RELN: variants seen among roughly 807,000 people sequenced by gnomAD.
RELN encodes the protein reelin.
Under a neutral mutation model 427.6 loss-of-function variants are expected in RELN, and 108 were observed. The ratio of observed to expected loss-of-function variants is 0.25; its 90% CI spans 0.22 to 0.30. The LOEUF (loss-of-function observed/expected upper bound fraction) is 0.30. Among genes scored for constraint, RELN ranks in the 10% least tolerant of loss-of-function variants. The pLI, the probability that RELN is intolerant of heterozygous loss-of-function variation, is 1.00. For missense variants in RELN, 3,715 were observed against 4,302.8 expected (o/e 0.86, Z 3.82); for synonymous variants, 1,524 against 1,513.4 (o/e 1.01, Z -0.16).
At chr7:103,819,606 G>A (rs1159476603) in intron 3 of RELN, among the ~76,000 whole-genome samples, 2 of 152,064 alleles carry the variant, frequency 1.3e-5, no homozygotes, top group African/African-American at 4.8e-5. Flanking sequence ...CTCCAAATGA[G>A]CCATTTAGAA....
chr7:103,745,769 A>T lies in RELN; in HGVS notation c.656+3657T>A, dbSNP rs1001373989. ...CCACTGCTCAAGGAAATAAAAGAGG[A>T]TACAAACAAATGGAAGAACATTCCA... On this transcript the variant is annotated intron_variant, in intron 6 of 64. Coordinates refer to ENST00000428762, the MANE Select transcript of RELN (RefSeq NM_005045.4). 8.6e-4 allele frequency among the ~76,000 whole-genome samples: 130 copies of T among 151,758 alleles called. 1 individual carries two copies. Among genetic ancestry groups the T allele is most frequent in the African/African-American group, 3.0e-3 (123 of 41,188 alleles).
At chr7:103,904,664 A>T (rs1194723090) in intron 2 of RELN, among the ~76,000 whole-genome samples, 1 of 152,176 alleles carries the variant, frequency 6.6e-6, no homozygotes, top group East Asian at 1.9e-4. Flanking sequence ...TGTTTGCCTA[A>T]AGGAAAGAAA....
intron 10 of RELN, among the ~76,000 whole-genome samples, chr7:103,690,729 G>T (rs936800163): frequency 6.6e-6 from 1 of 152,090 alleles, no homozygotes; most frequent in Non-Finnish European, 1.5e-5. Flanking sequence ...GAATGAGGGT[G>T]GGGCTCTGGG....
intron 64 of RELN, 110 bp from the exon 65 acceptor site, chr7:103,473,018 T>C: frequency 1.0e-6 from 1 of 976,230 alleles, no homozygotes; most frequent in Non-Finnish European, 1.7e-6. Flanking sequence ...TGATATTTGT[T>C]TGAAAATTTT....
intron 29 of RELN, 93 bp from the exon 30 acceptor site, chr7:103,574,392 G>A: frequency 9.5e-7 from 1 of 1,056,514 alleles, no homozygotes; most frequent in East Asian, 2.5e-5. Flanking sequence ...AATGTCCATA[G>A]GGATTAACAT....
At chr7:103,545,103 G>T (rs1456440839) in intron 42 of RELN, 21 bp downstream of exon 42, 1 of 1,591,580 alleles carries the variant, frequency 6.3e-7, no homozygotes, top group South Asian at 1.1e-5. Flanking sequence ...AGACTACATA[G>T]AATTTGTAAG....
chr7:103,582,539 T>C (rs766569979), intron 28 of RELN, among the ~76,000 whole-genome samples: 1 of 152,242 alleles, frequency 6.6e-6, no homozygotes, highest in African/African-American at 2.4e-5. Context: ...TTAAAGATTA[T>C]GTTTCAAAGT....
chr7:103,876,789 A>T (rs180805105), intron 2 of RELN, among the ~76,000 whole-genome samples: 2,487 of 147,374 alleles, frequency 0.017, 38 homozygotes, highest in Non-Finnish European at 0.023. Context: ...TCTTTTTTTT[A>T]AAAAAAAGAA....
intron 57 of RELN, among the ~76,000 whole-genome samples, chr7:103,493,045 T>C (rs1345538314): frequency 1.3e-5 from 2 of 152,146 alleles, no homozygotes; most frequent in African/African-American, 2.4e-5. Flanking sequence ...CTTAATTTGG[T>C]AAGTGATGGA....
At chr7:103,854,812 A>C (rs1793905285) in intron 2 of RELN, among the ~76,000 whole-genome samples, 1 of 152,216 alleles carries the variant, frequency 6.6e-6, no homozygotes, top group African/African-American at 2.4e-5. Context: ...GTGGAATTGT[A>C]ATCTAGCCTG....
intron 2 of RELN, among the ~76,000 whole-genome samples, chr7:103,874,117 C>G (rs1794418765): frequency 1.4e-5 from 2 of 143,404 alleles, no homozygotes; most frequent in African/African-American, 5.0e-5. Flanking sequence ...ACATGATTAT[C>G]TCAATAGATG....
chr7:103,838,035 G>A (rs1353875340), intron 2 of RELN, among the ~76,000 whole-genome samples: 1 of 151,526 alleles, frequency 6.6e-6, no homozygotes, highest in Non-Finnish European at 1.5e-5. Context: ...GCGAAACACC[G>A]TCTCTACTAA....
intron 1 of RELN, among the ~76,000 whole-genome samples, chr7:103,939,297 T>C (rs952493928): frequency 1.3e-5 from 2 of 152,080 alleles, no homozygotes; most frequent in African/African-American, 4.8e-5. Flanking sequence ...AGAAAATAAG[T>C]AAGGTATAAT....
intron 64 of RELN, among the ~76,000 whole-genome samples, chr7:103,477,941 T>G (rs900154845): frequency 6.6e-6 from 1 of 152,210 alleles, no homozygotes; most frequent in Non-Finnish European, 1.5e-5. Flanking sequence ...GGGACCCTCA[T>G]GCATCTTCAG....
chr7:103,502,306 C>A (rs1014978654), intron 52 of RELN, among the ~76,000 whole-genome samples: 4 of 152,106 alleles, frequency 2.6e-5, no homozygotes, highest in African/African-American at 4.8e-5. Flanking sequence ...GGGAACTGTG[C>A]GTAAGCACTT....
chr7:103,562,220 A>C (rs556190731), intron 34 of RELN, among the ~76,000 whole-genome samples: 1 of 152,322 alleles, frequency 6.6e-6, no homozygotes, highest in African/African-American at 2.4e-5. Flanking sequence ...TGTGAAATGG[A>C]AAAGTTATTT....
intron 1 of RELN, among the ~76,000 whole-genome samples, chr7:103,975,446 C>T (rs1051895838): frequency 3.9e-5 from 6 of 152,136 alleles, no homozygotes; most frequent in South Asian, 2.1e-4. Context: ...AAAATACAGA[C>T]AGGACGATAA....
intron 1 of RELN, among the ~76,000 whole-genome samples, chr7:103,932,082 C>T (rs1167408841): frequency 6.6e-6 from 1 of 152,196 alleles, no homozygotes; most frequent in Non-Finnish European, 1.5e-5. Context: ...AAGACACCTG[C>T]ACACATATGT....
chr7:103,478,511 A>G (rs1237698893), intron 63 of RELN, 117 bp from the exon 64 acceptor site: 2 of 689,256 alleles, frequency 2.9e-6, no homozygotes, highest in Non-Finnish European at 5.3e-6. Flanking sequence ...GACGCAATAT[A>G]GGATTTTTCA....
Sources: allele counts gnomAD v4.1 joint callset (sites outside exome capture counted in the v4.1 genomes callset), GRCh38; gene constraint gnomAD v4.1.1; transcripts MANE v1.5; gene names NCBI Gene and HGNC (gene_info 2026-07-23, HGNC 2026-07-21).